BCAS3: variants seen among roughly 807,000 people sequenced by gnomAD.
BCAS3 encodes the protein BCAS3 microtubule associated cell migration factor.
Under a neutral mutation model 116.1 loss-of-function variants are expected in BCAS3, and 53 were observed. The observed-to-expected ratio is 0.46, with a 90% confidence interval of 0.37 to 0.57. BCAS3 has a LOEUF of 0.57. Ranked by LOEUF, BCAS3 falls within the 20% of genes least tolerant of loss-of-function variation. The pLI is 0.00. For missense variants in BCAS3, 917 were observed against 1,165.4 expected (o/e 0.79, Z 3.10); for synonymous variants, 391 against 408.2 (o/e 0.96, Z 0.51).
rs1276578534 is a variant in BCAS3 at position 61,198,038 on chromosome 17, T to C, written c.2425+113474T>C. Among the ~76,000 whole-genome samples the C allele has an allele frequency of 6.6e-6, 1 of 152,192 alleles. No individual in the cohort carries two copies. On this transcript the variant is annotated intron_variant, in intron 22 of 23. Transcript: ENST00000407086. This position sits in a 1 kb window ranked among gnomAD's most constrained non-coding sequence, Gnocchi z 5.0. ...TTAAGCTTGTTGGGGGCAAGAAAAG[T>C]AGGTCATCTTCATGTTTATATCCAC...
At position 60,816,922 on chromosome 17, in the gene BCAS3, T is replaced by C. The variant is rs2049476761; in HGVS notation, c.476+8846T>C. ...GGTTATAGCAGGCAGTTTCAGCAGC[T>C]GGGCTTTACGGCTAATTTTTGGAGC... On this transcript the variant is annotated intron_variant, in intron 7 of 23. Coordinates refer to ENST00000407086, the MANE Select transcript of BCAS3 (RefSeq NM_017679.5). Among the ~76,000 whole-genome samples the C allele has an allele frequency of 2.0e-5, 3 of 152,330 alleles. No homozygotes were observed. In the South Asian group the frequency reaches 6.2e-4, roughly 32 times the overall value.
intron 22 of BCAS3, among the ~76,000 whole-genome samples, chr17:61,329,343 A>ATTATTATTTTTTTTT (rs1555831750): frequency 3.0e-5 from 4 of 131,280 alleles, no homozygotes; most frequent in African/African-American, 1.2e-4. Context: ...TATTATTATT[A>ATTATTATTTTTTTTT]TTTTTTTTTT....
At chr17:61,182,313 A>G (rs930038582) in intron 22 of BCAS3, among the ~76,000 whole-genome samples, 3 of 152,164 alleles carry the variant, frequency 2.0e-5, no homozygotes, top group East Asian at 1.9e-4. Flanking sequence ...AAGAGTGTGG[A>G]CTATGAGTTT....
chr17:60,708,324 C>CA (rs1211925653), intron 4 of BCAS3, among the ~76,000 whole-genome samples: 2,830 of 75,538 alleles, frequency 0.037, 54 homozygotes, highest in Non-Finnish European at 0.063. Flanking sequence ...GATTCTGTCT[C>CA]AAAAAAAAAA....
At position 61,027,358 on chromosome 17, in the gene BCAS3, A is replaced by C. The variant is rs534785494; in HGVS notation, c.1638-7308A>C. 5.7e-4 allele frequency: 259 copies of C among 455,314 alleles called. 3 individuals are homozygous for C. Among genetic ancestry groups the C allele is most frequent in the South Asian group, 4.0e-3 (250 of 62,210 alleles). The allele number at this position is 455,314 out of a possible 1,614,324, so 28.2% of individuals were successfully genotyped here. A position where few individuals can be genotyped will look rare whatever the true frequency, so the allele number is the denominator to read the frequency against. ...TTTTGTTGCATTTTATTTGGTCCTAAAGAGACAAAAGTTCTGTTTTTGAAT... is the reference window on the plus strand; with the variant it reads ...TTTTGTTGCATTTTATTTGGTCCTACAGAGACAAAAGTTCTGTTTTTGAAT... On this transcript the variant is annotated intron_variant, in intron 16 of 23. Coordinates refer to ENST00000407086, the MANE Select transcript of BCAS3 (RefSeq NM_017679.5).
At position 61,253,370 on chromosome 17, in the gene BCAS3, T is replaced by TAA. The variant is rs1259507712; in HGVS notation, c.2426-114956_2426-114955dup. ...GAGTTGGAGAGAATATATATATATA[T>TAA]AATCAATGTCTGCTTCACAGAGTTA... On this transcript the variant is annotated intron_variant, in intron 22 of 23. Transcript: ENST00000407086. Among the ~76,000 whole-genome samples, 22 of 151,676 alleles carry TAA rather than the reference T, an allele frequency of 1.5e-4. No homozygotes were observed. In the East Asian group the frequency reaches 2.2e-3, roughly 15 times the overall value.
chr17:61,181,553 CTTTT>C lies in BCAS3; in HGVS notation c.2425+96990_2425+96993del, dbSNP rs2079483014. The stretch of plus-strand genomic sequence containing the variant: ...TTTCCCTTTGATAGTCTGGTCATTT[CTTTT>C]GTCTTTTGAAGAAAATATCCACTAA... On this transcript the variant is annotated intron_variant, in intron 22 of 23. Coordinates refer to ENST00000407086, the MANE Select transcript of BCAS3 (RefSeq NM_017679.5). The surrounding 1 kb of genome is among the most constrained non-coding windows in gnomAD (Gnocchi z 5.0). Among the ~76,000 whole-genome samples the C allele has an allele frequency of 6.6e-6, 1 of 152,176 alleles. No homozygotes were observed. Among genetic ancestry groups the C allele is most frequent in the South Asian group, 2.1e-4 (1 of 4,830 alleles).
rs1310388133 is a variant in BCAS3 at position 61,233,061 on chromosome 17, C to T, written c.2426-135266C>T. 6.6e-6 allele frequency among the ~76,000 whole-genome samples: 1 copy of T among 152,190 alleles called. No individual in the cohort carries two copies. The highest frequency in any genetic ancestry group is 6.5e-5 in the Admixed American group (1 of 15,272). On this transcript the variant is annotated intron_variant, in intron 22 of 23. Transcript: ENST00000407086. This position sits in a 1 kb window ranked among gnomAD's most constrained non-coding sequence, Gnocchi z 4.3. ...CAGTGATCTGTAGCTAGACTGCGCT[C>T]TCTTGGGACTAACCTGTGTGACTAA... is the stretch of plus-strand genomic sequence containing the variant.
In BCAS3 at chr17:61,379,160, G is replaced by A. The variant is rs1396991014; in HGVS notation, c.2593+10666G>A. ...ACATAGGTAAATGGTTAACAAAAGG[G>A]AGGATTTCTCCCTGTTCCTCCTCCT... On this transcript the variant is annotated intron_variant, in intron 23 of 23. Coordinates refer to ENST00000407086, the MANE Select transcript of BCAS3 (RefSeq NM_017679.5). The surrounding 1 kb of genome is among the most constrained non-coding windows in gnomAD (Gnocchi z 5.5). 6.6e-6 allele frequency: 1 copy of A among 152,246 alleles called. No individual in the cohort carries two copies. The highest frequency in any genetic ancestry group is 6.5e-5 in the Admixed American group (1 of 15,274). 9.4% of individuals were successfully genotyped at this position (152,246 alleles called of 1,614,324 possible).
rs1385225864 is a variant in BCAS3 at position 61,078,512 on chromosome 17, T to G, written c.2310T>G (p.Leu770=). The G allele has an allele frequency of 6.2e-7, 1 of 1,613,768 alleles. No individual in the cohort carries two copies. Among genetic ancestry groups the G allele is most frequent in the Admixed American group, 1.7e-5 (1 of 59,998 alleles). The change falls in exon 21 of 24, where the codon CTT becomes CTG. Residue 770 remains leucine (L), a synonymous_variant. Transcript: ENST00000407086. ...TTTTGGATTTTGATACAGATGATCT[T>G]GATCTCAACAGTCTCAGGTAGGAAA... ...QPLLDFDTDD[L]DLNSLRIQPV...
chr17:61,225,071 G>A (rs2082300753), intron 22 of BCAS3, among the ~76,000 whole-genome samples: 1 of 151,948 alleles, frequency 6.6e-6, no homozygotes, highest in South Asian at 2.1e-4. Context: ...GTCTCAGTTG[G>A]CCACAGGAGA....
intron 22 of BCAS3, among the ~76,000 whole-genome samples, chr17:61,096,691 T>C (rs1406321862): frequency 6.6e-6 from 1 of 152,248 alleles, no homozygotes; most frequent in African/African-American, 2.4e-5. Flanking sequence ...TTTTTAATCT[T>C]TATCTTTCTC....
intron 14 of BCAS3, among the ~76,000 whole-genome samples, chr17:60,989,304 G>A (rs768411808): frequency 6.6e-6 from 1 of 152,070 alleles, no homozygotes; most frequent in Admixed American, 6.5e-5. Context: ...AGTAAGTGGA[G>A]ATATTTTTGC....
intron 6 of BCAS3, among the ~76,000 whole-genome samples, chr17:60,765,523 C>G (rs577771931): frequency 1.3e-5 from 2 of 152,332 alleles, no homozygotes; most frequent in African/African-American, 4.8e-5. Context: ...TTGGCCCCCA[C>G]TCTCTTCTGG....
Position 60,961,933 on chromosome 17 carries a change from C to T in BCAS3, c.1221+14581C>T, listed in dbSNP as rs1252826612. ...TGTAGTTCCCACCTAGGAGTGAGAT[C>T]ATGCAACATTTCACTGTGCCTGGTT... On this transcript the variant is annotated intron_variant, in intron 14 of 23. Transcript: ENST00000407086. This position sits in a 1 kb window ranked among gnomAD's most constrained non-coding sequence, Gnocchi z 4.8. 1.3e-5 allele frequency among the ~76,000 whole-genome samples: 2 copies of T among 152,202 alleles called. No individual in the cohort carries two copies. Among genetic ancestry groups the T allele is most frequent in the East Asian group, 3.8e-4 (2 of 5,196 alleles).
At chr17:60,980,174 T>C (rs2062706753) in intron 14 of BCAS3, among the ~76,000 whole-genome samples, 1 of 152,094 alleles carries the variant, frequency 6.6e-6, no homozygotes, top group Admixed American at 6.5e-5. Context: ...CAATTTCAGA[T>C]CCTGTTATTG....
chr17:60,791,841 C>A (rs556446846), intron 6 of BCAS3, among the ~76,000 whole-genome samples: 1 of 151,930 alleles, frequency 6.6e-6, no homozygotes, highest in African/African-American at 2.4e-5. Context: ...AATATGATCC[C>A]TGGCTGGGCG....
intron 15 of BCAS3, among the ~76,000 whole-genome samples, chr17:61,003,226 T>C (rs972738190): frequency 2.0e-5 from 3 of 152,060 alleles, no homozygotes; most frequent in Non-Finnish European, 4.4e-5. Context: ...GTCTTCTTGT[T>C]GCATTTTTAT....
chr17:61,129,756 C>A (rs540744230), intron 22 of BCAS3, among the ~76,000 whole-genome samples: 1 of 152,200 alleles, frequency 6.6e-6, no homozygotes, highest in Non-Finnish European at 1.5e-5. Flanking sequence ...TAGTTCCTCC[C>A]GTGGACTTCA....
Sources: allele counts gnomAD v4.1 joint callset (sites outside exome capture counted in the v4.1 genomes callset), GRCh38; gene constraint gnomAD v4.1.1; non-coding constraint Gnocchi (gnomAD v3.1); transcripts MANE v1.5; gene names NCBI Gene and HGNC (gene_info 2026-07-23, HGNC 2026-07-21).